The following AACS variants were observed in gnomAD, a reference collection of about 807,000 sequenced individuals.
AACS encodes acetoacetyl-CoA synthetase, also known as acetoacetate-CoA ligase.
A neutral mutation model predicts 83.1 loss-of-function variants in AACS; 69 were observed. The ratio of observed to expected loss-of-function variants is 0.83; its 90% CI spans 0.68 to 1.01. The LOEUF (loss-of-function observed/expected upper bound fraction) is 1.01, where lower values mean the gene tolerates loss of function less well. Among genes scored for constraint, AACS ranks in the 50% least tolerant of loss-of-function variants. The pLI, the probability that AACS is intolerant of heterozygous loss-of-function variation, is 0.00. For synonymous variants in AACS, 333 were observed against 343.4 expected (o/e 0.97, Z 0.33); for missense variants, 866 against 882.2 (o/e 0.98, Z 0.23).
At chr12:125,119,263 A>G (rs1271057693) in intron 10 of AACS, among the ~76,000 whole-genome samples, 3 of 152,178 alleles carry the variant, frequency 2.0e-5, no homozygotes, top group Non-Finnish European at 4.4e-5. Flanking sequence ...ATTGCATAGT[A>G]CGGCGTTGTC....
intron 1 of AACS, among the ~76,000 whole-genome samples, chr12:125,073,169 C>G (rs934345032): frequency 7.9e-5 from 12 of 152,032 alleles, no homozygotes; most frequent in Non-Finnish European, 1.6e-4. Flanking sequence ...ACCTGGTGAT[C>G]CACCTGCCTC....
At chr12:125,111,007 C>T (rs770764155) in intron 8 of AACS, among the ~76,000 whole-genome samples, 1 of 151,744 alleles carries the variant, frequency 6.6e-6, no homozygotes, top group Non-Finnish European at 1.5e-5. Context: ...TGTCCACGCA[C>T]AGCAGGTTAA....
chr12:125,128,242 T>C lies in AACS; in HGVS notation c.1391T>C (p.Leu464Pro). The C allele has an allele frequency of 6.2e-7, 1 of 1,613,048 alleles. No homozygotes were observed. The change falls in exon 13 of 18, where the codon CTG becomes CCG. Residue 464 changes from leucine to proline, a missense_variant. By Grantham distance (98) the Leu-to-Pro change is moderately conservative. Transcript: ENST00000316519. The stretch of plus-strand genomic sequence containing the variant: ...AAAGGGGAGATTCAGGCCCGGAACC[T>C]GGGCATGGCCGTGGAAGCGTGGAAC... ...VYKGEIQARNLGMAVEAWNEE... is the reference protein window; with the variant it reads ...VYKGEIQARNPGMAVEAWNEE...
chr12:125,118,677 C>T lies in AACS; in HGVS notation c.1033C>T (p.Leu345=), dbSNP rs138543814. ...WMMWNWMVSL[L]ATGAAMVLYD... ...GATGTGGAACTGGATGGTGTCCCTT[C>T]TGGCCACAGGAGCGGCCATGGTCTT... Residue 345 remains leucine (L), a synonymous_variant, in exon 10 of 18, where the codon CTG becomes TTG. Coordinates refer to ENST00000316519, the MANE Select transcript of AACS (RefSeq NM_023928.5). The T allele has an allele frequency of 5.3e-4, 856 of 1,614,154 alleles. 6 individuals carry two copies. In the African/African-American group the frequency reaches 9.9e-3, roughly 19 times the overall value.
chr12:125,096,999 G>C (rs942607320), intron 5 of AACS, among the ~76,000 whole-genome samples: 4 of 152,140 alleles, frequency 2.6e-5, no homozygotes, highest in African/African-American at 2.4e-5. Flanking sequence ...CTCAGTCCAG[G>C]AGGGTTTGGT....
Position 125,114,963 on chromosome 12 carries a change from G to A in AACS, c.996+406G>A, listed in dbSNP as rs147356933. ...GGGCGCCGGCCTGTGCTGCGCCGTGGTAGGGGCTTCTCTGGGGCGCTGCCT... is the reference window on the plus strand; with the variant it reads ...GGGCGCCGGCCTGTGCTGCGCCGTGATAGGGGCTTCTCTGGGGCGCTGCCT... On this transcript the variant is annotated intron_variant, in intron 9 of 17. Transcript: ENST00000316519. Among the ~76,000 whole-genome samples, 439 of 152,160 alleles carry A rather than the reference G, an allele frequency of 2.9e-3. 2 individuals carry two copies. Among genetic ancestry groups the A allele is most frequent in the Middle Eastern group, 0.01 (3 of 294 alleles).
chr12:125,076,666 A>T, intron 3 of AACS, 55 bp downstream of exon 3: 2 of 1,606,844 alleles, frequency 1.2e-6, no homozygotes, highest in Non-Finnish European at 1.7e-6. Context: ...TAGATGGTGC[A>T]TGCATGCGGT....
Position 125,065,568 on chromosome 12 carries a change from G to GGCCGCCC in AACS, c.-10_-4dup. Reference sequence around the variant, plus strand: ...GGTCCCCAGCCCTCGTCGCAGCCCCGGCCGCCCGCCGCCGCCATGTCCAAG... The same window carrying GGCCGCCC: ...GGTCCCCAGCCCTCGTCGCAGCCCCGGCCGCCCGCCGCCCGCCGCCGCCATGTCCAAG... On this transcript the variant is annotated 5_prime_UTR_variant, in exon 1 of 18. Coordinates refer to ENST00000316519, the MANE Select transcript of AACS (RefSeq NM_023928.5). The GGCCGCCC allele has an allele frequency of 7.1e-7, 1 of 1,411,654 alleles. No individual in the cohort carries two copies. Among genetic ancestry groups the GGCCGCCC allele is most frequent in the Non-Finnish European group, 9.3e-7 (1 of 1,070,358 alleles). 87.4% of individuals were successfully genotyped at this position (1,411,654 alleles called of 1,614,324 possible). A position where few individuals can be genotyped will look rare whatever the true frequency, so the allele number is the denominator to read the frequency against.
At chr12:125,086,623 T>C (rs1956345414) in intron 4 of AACS, among the ~76,000 whole-genome samples, 180 bp downstream of exon 4, 1 of 152,226 alleles carries the variant, frequency 6.6e-6, no homozygotes, top group African/African-American at 2.4e-5. Context: ...TGAAAGAATA[T>C]GCTGCTCTGC....
intron 5 of AACS, among the ~76,000 whole-genome samples, chr12:125,095,653 C>T (rs1261480401): frequency 6.6e-6 from 1 of 152,232 alleles, no homozygotes; most frequent in African/African-American, 2.4e-5. Context: ...CCCGCCTACC[C>T]TGTGGGACCT....
Position 125,114,564 on chromosome 12 carries a change from G to T in AACS, c.996+7G>T, listed in dbSNP as rs373247766. ...CCTCCTGTGCTACACCACGGTAAGG[G>T]CTTCCCCAGGTGCTGGCCTGTGCTA... On this transcript the variant is annotated splice_region_variant and intron_variant, in intron 9 of 17. Coordinates refer to ENST00000316519, the MANE Select transcript of AACS (RefSeq NM_023928.5). 4 of 1,612,104 alleles carry T rather than the reference G, an allele frequency of 2.5e-6. No homozygotes were observed. In the African/African-American group the frequency reaches 5.3e-5, roughly 22 times the overall value.
At chr12:125,067,756 A>G (rs1955744743) in intron 1 of AACS, among the ~76,000 whole-genome samples, 1 of 151,374 alleles carries the variant, frequency 6.6e-6, no homozygotes, top group Admixed American at 6.6e-5. Flanking sequence ...CTGGTCTAGA[A>G]CTCCTGACCT....
At position 125,106,882 on chromosome 12, in the gene AACS, T is replaced by C. The variant is rs112031296; in HGVS notation, c.768-239T>C. Among the ~76,000 whole-genome samples the C allele has an allele frequency of 2.1e-4, 32 of 152,318 alleles. 1 individual carries two copies. The highest frequency in any genetic ancestry group is 6.7e-4 in the African/African-American group (28 of 41,568). On this transcript the variant is annotated intron_variant, in intron 7 of 17. Transcript: ENST00000316519. ...AGACAGCCCTTGGCCCTGTCAGCAG[T>C]GCTGATTAAGCAACTTGAAACCTTC... is the stretch of plus-strand genomic sequence containing the variant.
intron 3 of AACS, among the ~76,000 whole-genome samples, chr12:125,085,005 T>A (rs1339738525): frequency 6.6e-6 from 1 of 152,060 alleles, no homozygotes; most frequent in Non-Finnish European, 1.5e-5. Context: ...GAACTACTTC[T>A]CTCAGCCTAT....
intron 14 of AACS, among the ~76,000 whole-genome samples, chr12:125,131,889 G>T (rs372211227): frequency 6.6e-6 from 1 of 152,202 alleles, no homozygotes; most frequent in African/African-American, 2.4e-5. Flanking sequence ...GAGCCACCAG[G>T]CCTGACCACT....
At position 125,094,574 on chromosome 12, in the gene AACS, G is replaced by A. The variant is rs895469907; in HGVS notation, c.570+3051G>A. Among the ~76,000 whole-genome samples, 1 of 152,134 alleles carries A rather than the reference G, an allele frequency of 6.6e-6. No individual in the cohort carries two copies. Among genetic ancestry groups the A allele is most frequent in the Non-Finnish European group, 1.5e-5 (1 of 68,024 alleles). On this transcript the variant is annotated intron_variant, in intron 5 of 17. Coordinates refer to ENST00000316519, the MANE Select transcript of AACS (RefSeq NM_023928.5). This position sits in a 1 kb window ranked among gnomAD's most constrained non-coding sequence, Gnocchi z 4.1. ...CTGTCCAGGGAGTGCTGGGGCATCCGTCTTTACTCGATGACACTGGGGGAA... is the reference window on the plus strand; with the variant it reads ...CTGTCCAGGGAGTGCTGGGGCATCCATCTTTACTCGATGACACTGGGGGAA...
chr12:125,090,638 C>T (rs1956460783), intron 4 of AACS, among the ~76,000 whole-genome samples: 1 of 151,450 alleles, frequency 6.6e-6, no homozygotes, highest in South Asian at 2.1e-4. Context: ...ACCCATCATC[C>T]ATCTCTCCAT....
At position 125,097,130 on chromosome 12, in the gene AACS, G is replaced by C. The variant is rs931326399; in HGVS notation, c.571-5549G>C. On this transcript the variant is annotated intron_variant, in intron 5 of 17. Coordinates refer to ENST00000316519, the MANE Select transcript of AACS (RefSeq NM_023928.5). This position sits in a 1 kb window ranked among gnomAD's most constrained non-coding sequence, Gnocchi z 4.3. ...CTGCGGAGTAAATGCTGGTGGGACC[G>C]GGGTGCCACCTGCCTGCAGACTCGG... Among the ~76,000 whole-genome samples, 1 of 152,094 alleles carries C rather than the reference G, an allele frequency of 6.6e-6. No individual in the cohort carries two copies. Among genetic ancestry groups the C allele is most frequent in the Non-Finnish European group, 1.5e-5 (1 of 68,008 alleles).
At chr12:125,087,934 A>C (rs1309713931) in intron 4 of AACS, among the ~76,000 whole-genome samples, 2 of 152,128 alleles carry the variant, frequency 1.3e-5, no homozygotes, top group Middle Eastern at 3.2e-3. Flanking sequence ...GCCTATCCTC[A>C]GGGTTCACCC....
Sources: allele counts gnomAD v4.1 joint callset (sites outside exome capture counted in the v4.1 genomes callset), GRCh38; gene constraint gnomAD v4.1.1; non-coding constraint Gnocchi (gnomAD v3.1); transcripts MANE v1.5; gene names NCBI Gene and HGNC (gene_info 2026-07-23, HGNC 2026-07-21).